PPOX: variants seen among roughly 807,000 people sequenced by gnomAD.
PPOX encodes the protein protoporphyrinogen oxidase.
A neutral mutation model predicts 54.1 loss-of-function variants in PPOX; 23 were observed. The ratio of observed to expected loss-of-function variants is 0.43; its 90% CI spans 0.31 to 0.60. PPOX has a LOEUF of 0.60. Ranked by LOEUF, PPOX falls within the 20% of genes least tolerant of loss-of-function variation. The pLI, the probability that PPOX is intolerant of heterozygous loss-of-function variation, is 0.13. For synonymous variants in PPOX, 224 were observed against 236.1 expected, an observed-to-expected ratio of 0.95 and a Z score of 0.47; for missense variants, 512 against 601.1, an observed-to-expected ratio of 0.85 and a Z score of 1.55.
Position 161,171,155 on chromosome 1 carries a change from G to A in PPOX, c.1413G>A (p.Leu471=). The A allele has an allele frequency of 6.2e-7, 1 of 1,613,448 alleles. No individual in the cohort carries two copies. The highest frequency in any genetic ancestry group is 8.5e-7 in the Non-Finnish European group (1 of 1,180,034). Residue 471 remains leucine (L), a synonymous_variant, in exon 13 of 13, where the codon CTG becomes CTA. Transcript: ENST00000367999. ...GGCGCCAGGCAGCAGTCAGTGTCCT[G>A]GGCACAGAACCTAACAGCTGATCCC... ...ESGRQAAVSV[L]GTEPNS is the part of the protein sequence containing the mutation.
At position 161,169,029 on chromosome 1, in the gene PPOX, A is replaced by T. The variant is rs755877829; in HGVS notation, c.653A>T (p.Gln218Leu). 1 of 1,614,188 alleles carries T rather than the reference A, an allele frequency of 6.2e-7. No individual in the cohort carries two copies. The stretch of plus-strand genomic sequence containing the variant: ...CAGCCAGACTCAGCACTCATTCGCC[A>T]GGCCTTGGCTGAGCGCTGGAGCCAG... ...TPQPDSALIRQALAERWSQWS... is the reference protein window; with the variant it reads ...TPQPDSALIRLALAERWSQWS... The change falls in exon 7 of 13, where the codon CAG (glutamine) becomes CTG (leucine). Residue 218 changes from glutamine to leucine, a missense_variant. Gln to Leu is a moderately radical substitution (Grantham distance 113). Transcript: ENST00000367999.
intron 7 of PPOX, 98 bp downstream of exon 7, chr1:161,169,281 T>C: frequency 7.0e-7 from 1 of 1,423,098 alleles, no homozygotes; most frequent in Non-Finnish European, 9.7e-7. Flanking sequence ...AGTTCCTCAT[T>C]GTTTTTGTGC....
upstream of PPOX, chr1:161,165,747 C>T (rs571195413): frequency 1.3e-4 from 35 of 271,788 alleles, no homozygotes; most frequent in African/African-American, 7.0e-4. Context: ...TGTATTTTTG[C>T]TTAGGGGGTG....
At chr1:161,170,837 C>G (rs921761935) in intron 11 of PPOX, 68 bp downstream of exon 11, 81 of 1,613,844 alleles carry the variant, frequency 5.0e-5, no homozygotes, top group Non-Finnish European at 6.9e-5. Flanking sequence ...GAACATTTGT[C>G]ACTGTATGTC....
In PPOX at chr1:161,170,458, T is replaced by C; in HGVS notation, c.1037T>C (p.Ile346Thr). 1 of 1,614,194 alleles carries C rather than the reference T, an allele frequency of 6.2e-7. No homozygotes were observed. Among genetic ancestry groups the C allele is most frequent in the Non-Finnish European group, 8.5e-7 (1 of 1,180,032 alleles). ...TCAGAAGATCCAGGAGTCCTGGGAA[T>C]CGTGTATGACTCAGTTGCTTTCCCT... ...PSSEDPGVLG[I>T]VYDSVAFPEQ... Residue 346 changes from isoleucine (I) to threonine (T), a missense_variant, in exon 10 of 13, where the codon ATC (isoleucine) becomes ACC (threonine). Transcript: ENST00000367999.
chr1:161,176,958 G>A, exon 5 of PPOX: 9 of 1,536,126 alleles, frequency 5.9e-6, no homozygotes, highest in Non-Finnish European at 7.0e-6. Flanking sequence ...CATGTGCCTG[G>A]GTGCCAACTC....
chr1:161,173,634 C>T, downstream of PPOX: 1 of 1,614,136 alleles, frequency 6.2e-7, no homozygotes, highest in Non-Finnish European at 8.5e-7. Flanking sequence ...CCTCACCACC[C>T]CAGCCCCAGT....
At chr1:161,176,398 C>T (rs1409178537) in intron 4 of PPOX, 5 of 422,048 alleles carry the variant, frequency 1.2e-5, no homozygotes, top group African/African-American at 2.0e-5. Flanking sequence ...TAGAGAACCC[C>T]CTCTTCCAAT....
chr1:161,177,190 C>T, downstream of PPOX: 1 of 982,806 alleles, frequency 1.0e-6, no homozygotes, highest in South Asian at 1.6e-5. Context: ...GTGGTCCGCG[C>T]TGTGGAGGGG....
chr1:161,167,269 G>A lies in PPOX; in HGVS notation c.222+35G>A, dbSNP rs1156418308. On this transcript the variant is annotated intron_variant, in intron 3 of 12. Transcript: ENST00000367999. The stretch of plus-strand genomic sequence containing the variant: ...TTGTGGGATGTCTAGGAGAGGTTGT[G>A]GAGGGGGCTTCCATTGGGGAATAGA... The A allele has an allele frequency of 1.9e-6, 3 of 1,614,166 alleles. No homozygotes were observed. The East Asian group carries it at 6.7e-5, about 36-fold the overall frequency.
chr1:161,173,737 G>A (rs1387728794), downstream of PPOX: 1 of 1,614,116 alleles, frequency 6.2e-7, no homozygotes, highest in Admixed American at 1.7e-5. Flanking sequence ...GCTAGGGAGA[G>A]AAAGATCCTT....
downstream of PPOX, among the ~76,000 whole-genome samples, chr1:161,172,985 G>T (rs1662043714): frequency 1.3e-5 from 2 of 152,136 alleles, no homozygotes; most frequent in Admixed American, 6.5e-5. Flanking sequence ...AGATGGCCTG[G>T]GAAGGAACTA....
At chr1:161,177,261 C>A, downstream of PPOX, 1 of 615,768 alleles carries the variant, frequency 1.6e-6, no homozygotes, top group Non-Finnish European at 2.8e-6. Flanking sequence ...TTTTGCCCTA[C>A]CTACTAGCAA....
chr1:161,172,485 G>C (rs780840738), downstream of PPOX: 37 of 654,580 alleles, frequency 5.7e-5, no homozygotes, highest in Middle Eastern at 4.2e-4. Flanking sequence ...GAAGGAAATG[G>C]CTGAAGAGAA....
chr1:161,176,033 A>G (rs561902104), downstream of PPOX: 115 of 1,614,142 alleles, frequency 7.1e-5, no homozygotes, highest in Admixed American at 4.3e-4. Context: ...GCCAGCGTGC[A>G]AGGCCGCTCC....
downstream of PPOX, chr1:161,175,341 A>C: frequency 2.2e-6 from 2 of 921,820 alleles, no homozygotes; most frequent in Non-Finnish European, 3.3e-6. Context: ...CTTAGTTCTC[A>C]GGGCTCACTC....
In PPOX at chr1:161,167,782, C is replaced by T. The variant is rs976467459; in HGVS notation, c.339-213C>T. ...GTTTCACCATATTGGCCAGGCTGGTCTTGAACTCCTGACCTTGTGATCCGC... is the reference window on the plus strand; with the variant it reads ...GTTTCACCATATTGGCCAGGCTGGTTTTGAACTCCTGACCTTGTGATCCGC... On this transcript the variant is annotated intron_variant, in intron 4 of 12. Transcript: ENST00000367999. 5 of 786,272 alleles carry T rather than the reference C, an allele frequency of 6.4e-6. No individual in the cohort carries two copies. The African/African-American group carries it at 8.7e-5, about 14-fold the overall frequency. 48.7% of individuals were successfully genotyped at this position (786,272 alleles called of 1,614,324 possible).
rs1659168329 is a variant in PPOX at position 161,166,954 on chromosome 1, C to T, written c.87+20C>T. ...CCTAAGGTGAGTGCTCCACTTGTGC[C>T]AGAGGGAGCTTCATTTAATGCTCTT... On this transcript the variant is annotated intron_variant, in intron 2 of 12. Transcript: ENST00000367999. 6.2e-7 allele frequency: 1 copy of T among 1,613,186 alleles called. No individual in the cohort carries two copies. Among genetic ancestry groups the T allele is most frequent in the Admixed American group, 1.7e-5 (1 of 60,012 alleles).
At chr1:161,166,335 T>C, upstream of PPOX, 1 of 1,038,014 alleles carries the variant, frequency 9.6e-7, no homozygotes, top group East Asian at 8.1e-5. Flanking sequence ...CAGTTCAATG[T>C]TTTATTGGTG....
Sources: allele counts gnomAD v4.1 joint callset (sites outside exome capture counted in the v4.1 genomes callset), GRCh38; gene constraint gnomAD v4.1.1; transcripts MANE v1.5; gene names NCBI Gene and HGNC (gene_info 2026-07-23, HGNC 2026-07-21).